CTRC: variants seen among roughly 807,000 people sequenced by gnomAD.
CTRC encodes chymotrypsin C, also known as chymotrypsin-C.
In CTRC, 32 loss-of-function variants were observed where a neutral mutation model predicts 35.7. The ratio of observed to expected loss-of-function variants is 0.90; its 90% confidence interval spans 0.68 to 1.20. The LOEUF (loss-of-function observed/expected upper bound fraction) is 1.20, where lower values mean the gene tolerates loss of function less well. Among genes scored for constraint, CTRC ranks in the 50% most tolerant of loss-of-function variants. CTRC has a pLI of 0.00. For missense variants in CTRC, 324 were observed against 361.5 expected (o/e 0.90, Z 0.84); for synonymous variants, 119 against 149.5 (o/e 0.80, Z 1.49).
At chr1:15,443,334 C>A in intron 4 of CTRC, 85 bp from the exon 5 acceptor site, 1 of 1,568,540 alleles carries the variant, frequency 6.4e-7, no homozygotes, top group East Asian at 2.2e-5. Context: ...GGGCCTGACT[C>A]CCAACTCACA....
At chr1:15,446,490 T>A in intron 7 of CTRC, 85 bp from the exon 8 acceptor site, 1 of 1,428,130 alleles carries the variant, frequency 7.0e-7, no homozygotes, top group Non-Finnish European at 9.9e-7. Context: ...CATGCCCCCA[T>A]GGACCCACCC....
chr1:15,443,432 C>T lies in CTRC; in HGVS notation c.370C>T (p.Leu124Phe), dbSNP rs755318289. The change falls in exon 5 of 8, where the codon CTC (leucine) becomes TTC (phenylalanine). Residue 124 changes from leucine to phenylalanine, a missense_variant. Transcript: ENST00000375949. ...NALLLRNDIA[L>F]IKLAEHVELS... Reference sequence around the variant, plus strand: ...TTTGGATTCCAGCAATGATATTGCCCTCATCAAGCTTGCAGAGCATGTGGA... The same window carrying T: ...TTTGGATTCCAGCAATGATATTGCCTTCATCAAGCTTGCAGAGCATGTGGA... 13 of 1,614,106 alleles carry T rather than the reference C, an allele frequency of 8.1e-6. No individual in the cohort carries two copies. Among genetic ancestry groups the T allele is most frequent in the Non-Finnish European group, 8.5e-7 (1 of 1,180,044 alleles).
chr1:15,440,258 C>T, intron 1 of CTRC, 42 bp from the exon 2 acceptor site: 3 of 642,842 alleles, frequency 4.7e-6, no homozygotes, highest in South Asian at 1.5e-5. Context: ...CCGTGGGCTA[C>T]CAGCCCTATT....
In CTRC at chr1:15,442,541, G is replaced by A. The variant is rs372127821; in HGVS notation, c.325G>A (p.Val109Ile). 12 of 1,613,964 alleles carry A rather than the reference G, an allele frequency of 7.4e-6. No individual in the cohort carries two copies. Among genetic ancestry groups the A allele is most frequent in the East Asian group, 2.2e-5 (1 of 44,880 alleles). ...GTTTGTGGGTGTGGACACCATCCACGTCCACAAGAGATGGAATGCCCTCCT... is the reference window on the plus strand; with the variant it reads ...GTTTGTGGGTGTGGACACCATCCACATCCACAAGAGATGGAATGCCCTCCT... ...SLFVGVDTIH[V>I]HKRWNALLLR... Residue 109 changes from valine (V) to isoleucine (I), a missense_variant, in exon 4 of 8, where the codon GTC (valine) becomes ATC (isoleucine). Transcript: ENST00000375949.
intron 3 of CTRC, 32 bp downstream of exon 3, chr1:15,440,622 A>G (rs751545869): frequency 6.2e-6 from 10 of 1,601,556 alleles, no homozygotes; most frequent in Admixed American, 3.4e-5. Flanking sequence ...AGACCTGGCC[A>G]TCGTCCGGGG....
chr1:15,444,184 G>T (rs1329957872), intron 5 of CTRC, among the ~76,000 whole-genome samples: 1 of 152,036 alleles, frequency 6.6e-6, no homozygotes, highest in Non-Finnish European at 1.5e-5. Context: ...TTGAGCCCAG[G>T]GGTTTGAGGC....
At position 15,438,450 on chromosome 1, in the gene CTRC, C is replaced by T. The variant is rs1708075281; in HGVS notation, c.-15C>T. On this transcript the variant is annotated 5_prime_UTR_variant, in exon 1 of 8. Transcript: ENST00000375949. ...CAGCCCATCCCGATGGTCAGCCAGTCCTGAGCACCTAACCATGTTGGGCAT... is the reference window on the plus strand; with the variant it reads ...CAGCCCATCCCGATGGTCAGCCAGTTCTGAGCACCTAACCATGTTGGGCAT... 1 of 1,614,062 alleles carries T rather than the reference C, an allele frequency of 6.2e-7. No homozygotes were observed. Among genetic ancestry groups the T allele is most frequent in the Admixed American group, 1.7e-5 (1 of 60,000 alleles).
At chr1:15,442,791 C>G (rs989806460) in intron 4 of CTRC, among the ~76,000 whole-genome samples, 4 of 152,144 alleles carry the variant, frequency 2.6e-5, no homozygotes, top group African/African-American at 9.7e-5. Flanking sequence ...GGAAAGTCCA[C>G]AAGGAAGGCC....
intron 1 of CTRC, among the ~76,000 whole-genome samples, chr1:15,438,859 TC>T (rs1034918901): frequency 6.6e-6 from 1 of 152,180 alleles, no homozygotes; most frequent in Admixed American, 6.5e-5. Flanking sequence ...GATTCTCCAT[TC>T]CATCATTTTG....
At chr1:15,441,634 T>A (rs1043919700) in intron 3 of CTRC, among the ~76,000 whole-genome samples, 2 of 151,850 alleles carry the variant, frequency 1.3e-5, no homozygotes, top group African/African-American at 4.8e-5. Context: ...AAAATATTTT[T>A]AATATATTTT....
chr1:15,441,854 T>C (rs1014302536), intron 3 of CTRC, among the ~76,000 whole-genome samples: 1 of 152,000 alleles, frequency 6.6e-6, no homozygotes, highest in East Asian at 1.9e-4. Context: ...ATTTTTCTTC[T>C]TGTTTTTTGT....
Position 15,447,028 on chromosome 1 carries a change from CAG to C in CTRC, c.*440_*441del, listed in dbSNP as rs1708232736. 1.2e-5 allele frequency: 4 copies of C among 321,168 alleles called. No homozygotes were observed. Among genetic ancestry groups the C allele is most frequent in the Non-Finnish European group, 2.4e-5 (4 of 164,286 alleles). The allele number at this position is 321,168 out of a possible 1,614,324, so 19.9% of individuals were successfully genotyped here. A position where few individuals can be genotyped will look rare whatever the true frequency, so the allele number is the denominator to read the frequency against. ...GCAGGTCCTCACAGCCCCCCAGCAG[CAG>C]GTGGAAGACAGGGTCTCCCCAAAAG... On this transcript the variant is annotated 3_prime_UTR_variant, in exon 8 of 8. Coordinates refer to ENST00000375949, the MANE Select transcript of CTRC (RefSeq NM_007272.3).
rs186735838 is a variant in CTRC, at chr1:15,445,556, G to C, written c.640-41G>C. Reference sequence around the variant, plus strand: ...GTCCTGCTTCCCAAGACTTCCTCTGGGGGGGGGCCTGGTGGCTTATGCCCT... The same window carrying C: ...GTCCTGCTTCCCAAGACTTCCTCTGCGGGGGGGCCTGGTGGCTTATGCCCT... On this transcript the variant is annotated intron_variant, in intron 6 of 7. Coordinates refer to ENST00000375949, the MANE Select transcript of CTRC (RefSeq NM_007272.3). 2.9e-5 allele frequency: 46 copies of C among 1,605,234 alleles called. No individual in the cohort carries two copies. The East Asian group carries it at 6.7e-4, about 23-fold the overall frequency.
At chr1:15,445,150 G>A (rs1249485212) in intron 6 of CTRC, among the ~76,000 whole-genome samples, 1 of 152,168 alleles carries the variant, frequency 6.6e-6, no homozygotes, top group African/African-American at 2.4e-5. Flanking sequence ...AGTCCAGGGA[G>A]ACCAGAACCA....
At chr1:15,445,294 GAGTCT>G (rs1301896130) in intron 6 of CTRC, among the ~76,000 whole-genome samples, 1 of 152,190 alleles carries the variant, frequency 6.6e-6, no homozygotes, top group Non-Finnish European at 1.5e-5. Context: ...GTAGCTCACA[GAGTCT>G]TAGATAAGGA....
rs1188160137 is a variant in CTRC at position 15,445,691 on chromosome 1, C to T, written c.734C>T (p.Thr245Ile). ...TTTGGCTCCCGGCGGGGCTGCAACACCCGCAAGAAGCCGGTAGTCTACACC... is the reference window on the plus strand; with the variant it reads ...TTTGGCTCCCGGCGGGGCTGCAACATCCGCAAGAAGCCGGTAGTCTACACC... ...VSFGSRRGCN[T>I]RKKPVVYTRV... Residue 245 changes from threonine (T) to isoleucine (I), a missense_variant, in exon 7 of 8, where the codon ACC (threonine) becomes ATC (isoleucine). Transcript: ENST00000375949. The T allele has an allele frequency of 6.2e-7, 1 of 1,613,830 alleles. No individual in the cohort carries two copies. The highest frequency in any genetic ancestry group is 8.5e-7 in the Non-Finnish European group (1 of 1,179,822).
intron 6 of CTRC, among the ~76,000 whole-genome samples, 199 bp downstream of exon 6, chr1:15,444,950 A>C (rs568894836): frequency 4.6e-5 from 7 of 152,260 alleles, no homozygotes; most frequent in African/African-American, 1.7e-4. Context: ...ATCTGAGTTC[A>C]AGCCCCAGTC....
intron 4 of CTRC, 112 bp downstream of exon 4, chr1:15,442,684 C>T: frequency 2.1e-6 from 3 of 1,462,606 alleles, no homozygotes; most frequent in East Asian, 4.6e-5. Flanking sequence ...CCATCCTCAC[C>T]CTGGAAAGCC....
At chr1:15,444,865 G>T (rs1472357695) in intron 6 of CTRC, 114 bp downstream of exon 6, 7 of 1,387,648 alleles carry the variant, frequency 5.0e-6, no homozygotes, top group Non-Finnish European at 5.1e-6. Flanking sequence ...GCGAGCCCTG[G>T]CTGGGCCCAG....
Sources: gnomAD v4.1 joint callset for allele counts (sites outside exome capture counted in the v4.1 genomes callset) on GRCh38, gnomAD v4.1.1 for gene constraint, MANE v1.5 for transcripts, NCBI Gene and HGNC (gene_info 2026-07-23, HGNC 2026-07-21) for gene names.